MYO5B: variants seen among roughly 807,000 people sequenced by gnomAD.
The protein encoded by MYO5B is myosin VB.
MYO5B carries 143 observed loss-of-function variants against 229.3 expected under a neutral mutation model. The observed-to-expected ratio is 0.62, with a 90% CI of 0.54 to 0.72. The LOEUF is 0.72. Ranked by LOEUF, MYO5B falls within the 30% of genes least tolerant of loss-of-function variation. The pLI, the probability that MYO5B is intolerant of heterozygous loss-of-function variation, is 0.00. For synonymous variants in MYO5B, 918 were observed against 885.2 expected (o/e 1.04, Z -0.66); for missense variants, 2,321 against 2,331.0 (o/e 1.00, Z 0.09).
At chr18:50,160,090 C>A (rs367614411) in intron 1 of MYO5B, among the ~76,000 whole-genome samples, 4 of 152,214 alleles carry the variant, frequency 2.6e-5, no homozygotes, top group African/African-American at 7.2e-5. Flanking sequence ...ACACGCACAA[C>A]GTACCACAGT....
intron 1 of MYO5B, among the ~76,000 whole-genome samples, chr18:50,065,514 T>C (rs763508783): frequency 2.0e-4 from 30 of 152,128 alleles, no homozygotes; most frequent in Non-Finnish European, 2.9e-4. Flanking sequence ...CCGCCACTTA[T>C]ACAACCATCA....
At chr18:49,909,787 C>A (rs920844229) in intron 18 of MYO5B, among the ~76,000 whole-genome samples, 8 of 152,122 alleles carry the variant, frequency 5.3e-5, no homozygotes, top group Admixed American at 3.3e-4. Context: ...TGGAAGAATA[C>A]CACTTTGTCA....
At chr18:50,013,513 CTTG>C (rs2026184094) in intron 4 of MYO5B, among the ~76,000 whole-genome samples, 1 of 152,354 alleles carries the variant, frequency 6.6e-6, no homozygotes, top group South Asian at 2.1e-4. Flanking sequence ...AGCCAGCCCT[CTTG>C]AGAGAATTAC....
chr18:49,953,946 T>TATATATATAC (rs1555646642), intron 13 of MYO5B, among the ~76,000 whole-genome samples: 46 of 86,788 alleles, frequency 5.3e-4, no homozygotes, highest in Non-Finnish European at 1.1e-3. Flanking sequence ...ACTATATATA[T>TATATATATAC]ACAGACATGT....
intron 4 of MYO5B, among the ~76,000 whole-genome samples, chr18:50,018,375 T>G (rs998009399): frequency 2.6e-5 from 4 of 151,922 alleles, no homozygotes; most frequent in Non-Finnish European, 4.4e-5. Flanking sequence ...TGTCTCCACC[T>G]CTTTTTAAAG....
At position 50,172,288 on chromosome 18, in the gene MYO5B, C is replaced by CAA. The variant is rs55973734; in HGVS notation, c.27+22477_27+22478dup. On this transcript the variant is annotated intron_variant, in intron 1 of 39. Coordinates refer to ENST00000285039, the MANE Select transcript of MYO5B (RefSeq NM_001080467.3). ...AGAGTGAGACCCTGACAAAAAAAGA[C>CAA]AAAAAAAAAAAAAAAAAAAGGCCGA... Among the ~76,000 whole-genome samples the CAA allele has an allele frequency of 1.4e-3, 130 of 90,494 alleles. 1 individual carries two copies. The highest frequency in any genetic ancestry group is 3.5e-3 in the African/African-American group (89 of 25,226). The allele number at this position is 90,494 out of a possible 152,430, so 59.4% of individuals were successfully genotyped here. A position where few individuals can be genotyped will look rare whatever the true frequency, so the allele number is the denominator to read the frequency against.
chr18:49,849,741 G>T, intron 31 of MYO5B, 81 bp from the exon 32 acceptor site: 1 of 1,097,096 alleles, frequency 9.1e-7, no homozygotes, highest in Non-Finnish European at 1.4e-6. Flanking sequence ...TGCAGTTGGA[G>T]GTGACCAGTG....
At chr18:50,178,986 G>GA (rs764828709) in intron 1 of MYO5B, among the ~76,000 whole-genome samples, 24 of 151,128 alleles carry the variant, frequency 1.6e-4, no homozygotes, top group Non-Finnish European at 2.5e-4. Context: ...AACTGGAGGG[G>GA]AAAAAAAAGG....
intron 5 of MYO5B, among the ~76,000 whole-genome samples, chr18:49,996,831 G>T (rs1447850480): frequency 6.6e-6 from 1 of 152,160 alleles, no homozygotes; most frequent in Non-Finnish European, 1.5e-5. Context: ...GTGGACAAAG[G>T]GACGGGGTTA....
At chr18:49,893,582 C>G (rs1251536607) in intron 22 of MYO5B, among the ~76,000 whole-genome samples, 1 of 152,186 alleles carries the variant, frequency 6.6e-6, no homozygotes, top group Admixed American at 6.5e-5. Flanking sequence ...GGCAGAGGGT[C>G]CTGTGGGCAG....
At chr18:49,846,960 TG>T (rs2024135793) in intron 33 of MYO5B, among the ~76,000 whole-genome samples, 185 bp downstream of exon 33, 1 of 89,206 alleles carries the variant, frequency 1.1e-5, no homozygotes, top group African/African-American at 4.5e-5. Context: ...CAGCAGGAGC[TG>T]GGGGGAGGAT....
intron 1 of MYO5B, among the ~76,000 whole-genome samples, chr18:50,106,208 C>A (rs1405851208): frequency 6.6e-6 from 1 of 152,188 alleles, no homozygotes; most frequent in Non-Finnish European, 1.5e-5. Flanking sequence ...TTGCTTTTCT[C>A]CATCCCCTCC....
At chr18:50,137,354 A>G (rs1346129463) in intron 1 of MYO5B, among the ~76,000 whole-genome samples, 2 of 152,252 alleles carry the variant, frequency 1.3e-5, no homozygotes, top group Non-Finnish European at 2.9e-5. Context: ...TGACTAAGAC[A>G]TGGAACCCAC....
chr18:49,905,112 G>A (rs753581554), intron 19 of MYO5B, among the ~76,000 whole-genome samples: 4 of 152,122 alleles, frequency 2.6e-5, no homozygotes, highest in Non-Finnish European at 4.4e-5. Context: ...CCTTATCTGA[G>A]CACTCTTCTA....
intron 39 of MYO5B, among the ~76,000 whole-genome samples, chr18:49,834,668 T>TCA (rs2023964892): frequency 6.6e-6 from 1 of 152,134 alleles, no homozygotes; most frequent in Admixed American, 6.5e-5. Flanking sequence ...GACAAGAGTC[T>TCA]CACTCTGTCG....
chr18:50,083,958 C>T (rs1316674114), intron 1 of MYO5B, among the ~76,000 whole-genome samples: 3 of 152,182 alleles, frequency 2.0e-5, no homozygotes, highest in South Asian at 2.1e-4. Context: ...AAGACCCTAG[C>T]GTCAGAATGG....
chr18:50,053,878 A>C (rs765749290), intron 2 of MYO5B, among the ~76,000 whole-genome samples: 2 of 152,218 alleles, frequency 1.3e-5, no homozygotes, highest in South Asian at 4.1e-4. Context: ...GAGAGGAAAC[A>C]GTATCTCCAA....
intron 17 of MYO5B, 72 bp from the exon 18 acceptor site, chr18:49,912,245 C>T (rs1648897197): frequency 1.8e-6 from 2 of 1,100,594 alleles, no homozygotes; most frequent in East Asian, 2.4e-5. Flanking sequence ...GGCGTGACCT[C>T]AGACAGTTCC....
rs57700671 is a variant in MYO5B at position 49,864,350 on chromosome 18, G to T, written c.3634C>A (p.Leu1212Met). ...RQELESENKKLKNDLNELRKA... is the reference protein window; with the variant it reads ...RQELESENKKMKNDLNELRKA... The stretch of plus-strand genomic sequence containing the variant: ...CTCAGCTCATTCAGGTCATTCTTCA[G>T]CTTTTTGTTCTCTGACTCCAGCTCT... The change falls in exon 28 of 40, where the codon CTG (leucine) becomes ATG (methionine). Residue 1212 changes from leucine (L) to methionine (M), a missense_variant. This residue lies in a region of MYO5B where 2,113 missense variants were observed against 2,044.7 expected (regional missense o/e 1.03). Coordinates refer to ENST00000285039, the MANE Select transcript of MYO5B (RefSeq NM_001080467.3). 1 of 1,613,936 alleles carries T rather than the reference G, an allele frequency of 6.2e-7. No individual in the cohort carries two copies. Among genetic ancestry groups the T allele is most frequent in the Non-Finnish European group, 8.5e-7 (1 of 1,180,056 alleles).
Sources: allele counts gnomAD v4.1 joint callset (sites outside exome capture counted in the v4.1 genomes callset), GRCh38; gene constraint gnomAD v4.1.1; regional missense constraint gnomAD v4.1.1; transcripts MANE v1.5; gene names NCBI Gene and HGNC (gene_info 2026-07-23, HGNC 2026-07-21).